The following PTPRG variants were observed in gnomAD, a reference collection of about 807,000 sequenced individuals.
PTPRG encodes receptor-type tyrosine-protein phosphatase gamma.
In PTPRG, 102 loss-of-function variants were observed where a neutral mutation model predicts 165.3. That is an observed-to-expected ratio of 0.62 (90% confidence interval 0.53 to 0.73). The LOEUF (loss-of-function observed/expected upper bound fraction) is 0.73, where lower values mean the gene tolerates loss of function less well. Among genes scored for constraint, PTPRG ranks in the 30% least tolerant of loss-of-function variants. PTPRG has a pLI of 0.00. For synonymous variants in PTPRG, 675 were observed against 669.5 expected (o/e 1.01, Z -0.13); for missense variants, 1,866 against 1,861.4 (o/e 1.00, Z -0.05).
rs369505317 is a variant in PTPRG at position 61,676,471 on chromosome 3, A to AAAAAAAAG, written c.86-72404_86-72403insAAAAGAAA. Among the ~76,000 whole-genome samples, 151 of 99,080 alleles carry AAAAAAAAG rather than the reference A, an allele frequency of 1.5e-3. 9 individuals carry two copies. Among genetic ancestry groups the AAAAAAAAG allele is most frequent in the African/African-American group, 3.6e-3 (124 of 34,730 alleles). The allele number at this position is 99,080 out of a possible 152,430, so 65.0% of individuals were successfully genotyped here. Reference sequence around the variant, plus strand: ...GACTCCATCTCAAAAAAAAAAAAAAAAAAGAAAATTACTAAAGTCTGTGAA... The same window carrying AAAAAAAAG: ...GACTCCATCTCAAAAAAAAAAAAAAAAAAAAAAGAAAGAAAATTACTAAAGTCTGTGAA... On this transcript the variant is annotated intron_variant, in intron 1 of 29. Transcript: ENST00000474889.
At chr3:62,188,412 A>G (rs1699718794) in intron 8 of PTPRG, among the ~76,000 whole-genome samples, 2 of 152,256 alleles carry the variant, frequency 1.3e-5, no homozygotes, top group East Asian at 1.9e-4. Flanking sequence ...TGCCATCCAC[A>G]TCCTATTCTA....
chr3:61,875,118 T>C (rs1008215944), intron 2 of PTPRG, among the ~76,000 whole-genome samples: 4 of 152,222 alleles, frequency 2.6e-5, no homozygotes, highest in Non-Finnish European at 5.9e-5. Context: ...AGGAAATCTT[T>C]TGCTCTAGCT....
intron 1 of PTPRG, among the ~76,000 whole-genome samples, chr3:61,662,066 T>G (rs1702683383): frequency 6.6e-6 from 1 of 152,232 alleles, no homozygotes; most frequent in Non-Finnish European, 1.5e-5. Flanking sequence ...AGGTTTATAG[T>G]TAATTAACCC....
intron 2 of PTPRG, among the ~76,000 whole-genome samples, chr3:61,817,330 T>A (rs977675157): frequency 3.4e-5 from 5 of 148,442 alleles, no homozygotes; most frequent in Admixed American, 6.9e-5. Context: ...TAGAAAACAT[T>A]GGTAGGGGGA....
chr3:61,959,510 G>A (rs1020759541), intron 2 of PTPRG, among the ~76,000 whole-genome samples: 3 of 152,138 alleles, frequency 2.0e-5, no homozygotes, highest in Admixed American at 6.5e-5. Flanking sequence ...TAATGCTGCC[G>A]CTGACCTAAC....
intron 4 of PTPRG, among the ~76,000 whole-genome samples, chr3:62,052,829 C>T (rs535915099): frequency 6.6e-6 from 1 of 152,168 alleles, no homozygotes; most frequent in Admixed American, 6.5e-5. Context: ...AATAAACTGC[C>T]ATTTATTGTT....
chr3:62,199,739 T>A (rs1460050459), intron 10 of PTPRG, among the ~76,000 whole-genome samples: 1 of 152,258 alleles, frequency 6.6e-6, no homozygotes, highest in African/African-American at 2.4e-5. Flanking sequence ...CTTTTCAGTT[T>A]ATATAGCACT....
intron 1 of PTPRG, chr3:61,742,683 T>A: frequency 6.2e-7 from 1 of 1,605,686 alleles, no homozygotes. Context: ...CCACCATGTT[T>A]TCGTTGTGTG....
intron 2 of PTPRG, among the ~76,000 whole-genome samples, chr3:61,854,156 A>G (rs971093747): frequency 6.6e-6 from 1 of 152,194 alleles, no homozygotes; most frequent in Admixed American, 6.5e-5. Context: ...TGCTGCTAGA[A>G]GGTAGCAGTA....
chr3:61,634,591 T>C (rs546158629), intron 1 of PTPRG, among the ~76,000 whole-genome samples: 128 of 152,142 alleles, frequency 8.4e-4, no homozygotes, highest in Non-Finnish European at 1.4e-3. Context: ...TTTTATCAAA[T>C]GCTTTTTCTG....
chr3:62,189,239 C>T (rs1699743952), intron 8 of PTPRG, among the ~76,000 whole-genome samples: 1 of 152,090 alleles, frequency 6.6e-6, no homozygotes, highest in Non-Finnish European at 1.5e-5. Context: ...TGAACCTTAC[C>T]AACTGAACTG....
rs62243319 is a variant in PTPRG at position 62,063,600 on chromosome 3, T to G, written c.520-14563T>G. On this transcript the variant is annotated intron_variant, in intron 4 of 29. Coordinates refer to ENST00000474889, the MANE Select transcript of PTPRG (RefSeq NM_002841.4). ...TAGTCTAAATAAATACACTTTTTAG[T>G]AGAGCAGCTGTGTTAAGTAAATTAA... Among the ~76,000 whole-genome samples, 1,356 of 152,322 alleles carry G rather than the reference T, an allele frequency of 8.9e-3. 14 individuals are homozygous for G. The highest frequency in any genetic ancestry group is 0.017 in the Middle Eastern group (5 of 294).
chr3:61,940,801 C>A (rs1182771771), intron 2 of PTPRG, among the ~76,000 whole-genome samples: 1 of 151,938 alleles, frequency 6.6e-6, no homozygotes, highest in East Asian at 1.9e-4. Flanking sequence ...GTAGCTGGGA[C>A]TACAGGCGCC....
rs187882865 is a variant in PTPRG, at chr3:61,848,583, C to A, written c.190+99601C>A. On this transcript the variant is annotated intron_variant, in intron 2 of 29. Coordinates refer to ENST00000474889, the MANE Select transcript of PTPRG (RefSeq NM_002841.4). Reference sequence around the variant, plus strand: ...ATCAGGTCTTGCAAATGTATTTTATCTTTTCATATTAGAATTATTTCAGAC... The same window carrying A: ...ATCAGGTCTTGCAAATGTATTTTATATTTTCATATTAGAATTATTTCAGAC... 2.0e-5 allele frequency among the ~76,000 whole-genome samples: 3 copies of A among 152,266 alleles called. No homozygotes were observed. In the East Asian group the frequency reaches 5.8e-4, roughly 29 times the overall value.
chr3:61,926,167 A>G (rs1397477518), intron 2 of PTPRG, among the ~76,000 whole-genome samples: 1 of 152,182 alleles, frequency 6.6e-6, no homozygotes, highest in Non-Finnish European at 1.5e-5. Flanking sequence ...ACTTGGAGAA[A>G]GAGTAGCTTG....
chr3:62,166,508 G>A (rs962533867), intron 7 of PTPRG, among the ~76,000 whole-genome samples: 18 of 151,158 alleles, frequency 1.2e-4, no homozygotes, highest in African/African-American at 4.4e-4. Context: ...GCTAATTTTT[G>A]TATTTTTAGT....
intron 1 of PTPRG, among the ~76,000 whole-genome samples, chr3:61,619,396 T>A (rs1701388659): frequency 6.6e-6 from 1 of 152,170 alleles, no homozygotes; most frequent in Non-Finnish European, 1.5e-5. Flanking sequence ...AAGGGGACAT[T>A]TGGCAATGTC....
intron 16 of PTPRG, among the ~76,000 whole-genome samples, chr3:62,258,703 C>T (rs1026556771): frequency 3.3e-5 from 5 of 152,074 alleles, no homozygotes; most frequent in Admixed American, 2.0e-4. Context: ...TTCTAGAGAC[C>T]GTGAAAAGCA....
chr3:61,761,688 T>G (rs1309347052), intron 2 of PTPRG, among the ~76,000 whole-genome samples: 1 of 152,228 alleles, frequency 6.6e-6, no homozygotes, highest in Non-Finnish European at 1.5e-5. Flanking sequence ...TGAGTTGATC[T>G]TGAGAGTTTC....
Sources: gnomAD v4.1 joint callset for allele counts (sites outside exome capture counted in the v4.1 genomes callset) on GRCh38, gnomAD v4.1.1 for gene constraint, MANE v1.5 for transcripts, NCBI Gene and HGNC (gene_info 2026-07-23, HGNC 2026-07-21) for gene names.